The following CDKN2B-AS1 variants were observed in gnomAD, a reference collection of about 807,000 sequenced individuals.
CDKN2B-AS1 encodes the protein CDKN2B and CDKN2A antisense cis and trans regulatory RNA 1.
At chr9:22,107,109 G>T (rs1467441154) in intron 4 of CDKN2B-AS1, among the ~76,000 whole-genome samples, 1 of 152,226 alleles carries the variant, frequency 6.6e-6, no homozygotes, top group Non-Finnish European at 1.5e-5. Context: ...CAGATCAGAT[G>T]CTGGCAGCAG....
At chr9:22,009,311 G>A (rs1313005274) in intron 1 of CDKN2B-AS1, 5 of 425,170 alleles carry the variant, frequency 1.2e-5, no homozygotes, top group Middle Eastern at 6.2e-4. Flanking sequence ...AGAGTGGGGA[G>A]CCAGCCGGCA....
intron 4 of CDKN2B-AS1, among the ~76,000 whole-genome samples, chr9:22,110,471 A>G (rs933399752): frequency 2.0e-5 from 3 of 152,098 alleles, no homozygotes; most frequent in Admixed American, 6.6e-5. Flanking sequence ...ACTTTTTGGT[A>G]TTTTCTTTTT....
chr9:22,012,593 C>T (rs552024620), intron 1 of CDKN2B-AS1: 13 of 454,772 alleles, frequency 2.9e-5, no homozygotes, highest in African/African-American at 2.2e-4. Context: ...GCCCTGGAGC[C>T]TCAATAAAGT....
At chr9:22,071,770 T>G (rs1184000758) in intron 4 of CDKN2B-AS1, among the ~76,000 whole-genome samples, 1 of 152,192 alleles carries the variant, frequency 6.6e-6, no homozygotes, top group East Asian at 1.9e-4. Flanking sequence ...GAGTTCAACT[T>G]CACAAATATT....
intron 1 of CDKN2B-AS1, among the ~76,000 whole-genome samples, chr9:21,998,818 T>C (rs1820799096): frequency 6.6e-6 from 1 of 152,158 alleles, no homozygotes; most frequent in Admixed American, 6.5e-5. Flanking sequence ...ATGAGAAACT[T>C]TCCTAACATT....
rs1253220031 is a variant in CDKN2B-AS1, at chr9:22,006,018, G to C, written n.29+10857G>C. The C allele has an allele frequency of 6.2e-7, 1 of 1,603,616 alleles. No homozygotes were observed. The highest frequency in any genetic ancestry group is 1.7e-5 in the Admixed American group (1 of 59,946). On this transcript the variant is annotated intron_variant and non_coding_transcript_variant, in intron 1 of 4. Transcript: ENST00000650946. The surrounding 1 kb of genome is among the most constrained non-coding windows in gnomAD (Gnocchi z 6.4). ...CCCCGTGGCTGTGCGCAGGTACCCT[G>C]CAACGTCGCGGTGGCCCCGCTCCTC...
chr9:22,030,620 T>C (rs867376246), intron 1 of CDKN2B-AS1: 4 of 152,232 alleles, frequency 2.6e-5, no homozygotes, highest in South Asian at 2.1e-4. Flanking sequence ...TACTCAGGCT[T>C]CAATTAAGTA....
intron 4 of CDKN2B-AS1, among the ~76,000 whole-genome samples, chr9:22,108,365 T>A (rs141987686): frequency 6.6e-6 from 1 of 152,310 alleles, no homozygotes; most frequent in African/African-American, 2.4e-5. Context: ...TGAACACTTG[T>A]CTATGCACAT....
At chr9:22,113,582 T>C (rs1563989434) in intron 4 of CDKN2B-AS1, 2 of 152,178 alleles carry the variant, frequency 1.3e-5, no homozygotes, top group Non-Finnish European at 1.5e-5. Flanking sequence ...TGGACTCTAG[T>C]ATATATTTGC....
Position 22,006,929 on chromosome 9 carries a change from T to C in CDKN2B-AS1, n.29+11768T>C, listed in dbSNP as rs1161056749. On this transcript the variant is annotated intron_variant and non_coding_transcript_variant, in intron 1 of 4. Transcript: ENST00000650946. The surrounding 1 kb of genome is among the most constrained non-coding windows in gnomAD (Gnocchi z 6.4). Reference sequence around the variant, plus strand: ...ATCTTATAAAATTATAATAAATGATTTTTCCTTAACAGTTCATCATTTTAA... The same window carrying C: ...ATCTTATAAAATTATAATAAATGATCTTTCCTTAACAGTTCATCATTTTAA... 6.6e-6 allele frequency among the ~76,000 whole-genome samples: 1 copy of C among 152,210 alleles called. No homozygotes were observed. Among genetic ancestry groups the C allele is most frequent in the East Asian group, 1.9e-4 (1 of 5,180 alleles).
chr9:22,092,579 C>A (rs1825130048), intron 4 of CDKN2B-AS1: 1 of 152,134 alleles, frequency 6.6e-6, no homozygotes, highest in Non-Finnish European at 1.5e-5. Flanking sequence ...GGAATTTATC[C>A]ATTTCTTCTA....
intron 1 of CDKN2B-AS1, among the ~76,000 whole-genome samples, chr9:22,020,491 C>G (rs1488535765): frequency 6.6e-6 from 1 of 152,208 alleles, no homozygotes; most frequent in African/African-American, 2.4e-5. Context: ...TACACTCCCA[C>G]CAGCAGAGTC....
At chr9:22,048,622 A>C (rs957516376) in intron 2 of CDKN2B-AS1, among the ~76,000 whole-genome samples, 1 of 151,964 alleles carries the variant, frequency 6.6e-6, no homozygotes, top group Non-Finnish European at 1.5e-5. Flanking sequence ...TTGTTTTTCG[A>C]GTTTCATGGG....
At chr9:22,029,729 T>C in intron 1 of CDKN2B-AS1, 1 of 416,556 alleles carries the variant, frequency 2.4e-6, no homozygotes, top group Middle Eastern at 5.7e-4. Context: ...AATATTTTCT[T>C]ATAACTTTCC....
At chr9:22,056,247 T>TTTTTTTTTTTTTTTTTTTC (rs397743274) in intron 3 of CDKN2B-AS1, 33 of 132,676 alleles carry the variant, frequency 2.5e-4, no homozygotes, top group South Asian at 9.3e-4. Flanking sequence ...TTTTTTTTTT[T>TTTTTTTTTTTTTTTTTTTC]CCAGTAGAGA....
At chr9:22,079,920 G>A (rs1045731582) in intron 4 of CDKN2B-AS1, among the ~76,000 whole-genome samples, 1 of 152,180 alleles carries the variant, frequency 6.6e-6, no homozygotes, top group Non-Finnish European at 1.5e-5. Context: ...CTTCCCCCAT[G>A]CCTTTGGTGT....
intron 4 of CDKN2B-AS1, among the ~76,000 whole-genome samples, chr9:22,091,298 T>A (rs1302540956): frequency 6.6e-6 from 1 of 152,212 alleles, no homozygotes; most frequent in Non-Finnish European, 1.5e-5. Context: ...TAGGATTGAC[T>A]TGGCAATGCA....
chr9:22,017,796 A>G (rs1051545152), intron 1 of CDKN2B-AS1, among the ~76,000 whole-genome samples: 2 of 147,408 alleles, frequency 1.4e-5, no homozygotes, highest in African/African-American at 2.6e-5. Context: ...AGATAATTTA[A>G]TGGGCCATTG....
chr9:22,038,616 G>A lies in CDKN2B-AS1; in HGVS notation n.30-8135G>A, dbSNP rs78777686. Among the ~76,000 whole-genome samples the A allele has an allele frequency of 8.2e-3, 1,248 of 151,978 alleles. 84 individuals carry two copies. In the East Asian group the frequency reaches 0.17, roughly 21 times the overall value. Reference sequence around the variant, plus strand: ...AACTTTATTCTTTTGTACTAATTCAGTCCTTTTACTTTTTCTTTTTTAATG... The same window carrying A: ...AACTTTATTCTTTTGTACTAATTCAATCCTTTTACTTTTTCTTTTTTAATG... On this transcript the variant is annotated intron_variant and non_coding_transcript_variant, in intron 1 of 4. Transcript: ENST00000650946.
Sources: gnomAD v4.1 joint callset for allele counts (sites outside exome capture counted in the v4.1 genomes callset) on GRCh38, gnomAD v4.1.1 for gene constraint, Gnocchi (gnomAD v3.1) non-coding constraint, MANE v1.5 for transcripts, NCBI Gene and HGNC (gene_info 2026-07-23, HGNC 2026-07-21) for gene names.